Variants in ZNG1B observed in about 807,000 individuals in gnomAD.
ZNG1B encodes the protein Zn regulated GTPase metalloprotein activator 1B, also known as zinc-regulated GTPase metalloprotein activator 1B.
the ZNG1B span, chr2:113,495,294 T>C: frequency 6.6e-7 from 1 of 1,512,240 alleles, no homozygotes; most frequent in South Asian, 1.2e-5. Context: ...GTGAAAAATA[T>C]ATTTGAAAGG....
the ZNG1B span, among the ~76,000 whole-genome samples, chr2:113,450,488 G>A: frequency 2.0e-5 from 3 of 149,526 alleles, no homozygotes; most frequent in Admixed American, 2.0e-4. Context: ...CACTACAAAC[G>A]CATTTTCATC....
chr2:113,472,322 G>A, the ZNG1B span, among the ~76,000 whole-genome samples: 17 of 152,072 alleles, frequency 1.1e-4, no homozygotes, highest in Non-Finnish European at 1.9e-4. Context: ...CCCACTTTTT[G>A]ATGGGGTTGT....
At chr2:113,440,433 A>T in the ZNG1B span, among the ~76,000 whole-genome samples, 3 of 151,916 alleles carry the variant, frequency 2.0e-5, no homozygotes, top group Non-Finnish European at 4.4e-5. Context: ...CCTCTGTCTC[A>T]GGCTTGGACT....
chr2:113,476,463 A>G, the ZNG1B span, among the ~76,000 whole-genome samples: 1 of 149,754 alleles, frequency 6.7e-6, no homozygotes, highest in Non-Finnish European at 1.5e-5. Flanking sequence ...GAGTAGTTTG[A>G]TCGTCTGAAG....
chr2:113,488,345 T>C, the ZNG1B span, among the ~76,000 whole-genome samples: 15 of 152,270 alleles, frequency 9.9e-5, no homozygotes, highest in African/African-American at 3.4e-4. Context: ...GAACACCCCG[T>C]AGGACGAAAG....
chr2:113,438,831 T>C, the ZNG1B span, among the ~76,000 whole-genome samples: 3 of 152,260 alleles, frequency 2.0e-5, no homozygotes, highest in South Asian at 6.2e-4. Context: ...ATGATACTGT[T>C]TCCGGGAAAT....
chr2:113,466,876 A>G, the ZNG1B span: 14 of 923,448 alleles, frequency 1.5e-5, no homozygotes, highest in African/African-American at 2.5e-4. Flanking sequence ...CATCCTGGCT[A>G]ACACTGTGAA....
the ZNG1B span, among the ~76,000 whole-genome samples, chr2:113,446,759 C>T: frequency 7.4e-5 from 10 of 135,136 alleles, no homozygotes; most frequent in Middle Eastern, 3.4e-3. Flanking sequence ...CACACACACA[C>T]GCACATGCAC....
chr2:113,453,860 C>A, the ZNG1B span, among the ~76,000 whole-genome samples: 1 of 151,108 alleles, frequency 6.6e-6, no homozygotes, highest in African/African-American at 2.4e-5. Flanking sequence ...ATATGAGGAT[C>A]ATATTTTTGC....
At chr2:113,488,801 G>A in the ZNG1B span, among the ~76,000 whole-genome samples, 4 of 152,174 alleles carry the variant, frequency 2.6e-5, no homozygotes, top group Non-Finnish European at 5.9e-5. Flanking sequence ...CTAATTAACC[G>A]AATCCAATAA....
At chr2:113,477,436 T>C in the ZNG1B span, among the ~76,000 whole-genome samples, 3 of 152,122 alleles carry the variant, frequency 2.0e-5, no homozygotes, top group Non-Finnish European at 4.4e-5. Flanking sequence ...CCTAGTGAGA[T>C]GAACCCGGTA....
the ZNG1B span, among the ~76,000 whole-genome samples, chr2:113,476,490 C>T: frequency 2.7e-5 from 4 of 149,672 alleles, no homozygotes; most frequent in African/African-American, 7.5e-5. Flanking sequence ...TCTCTCAGCT[C>T]GTCAAAGTCA....
chr2:113,488,466 A>AC, the ZNG1B span, among the ~76,000 whole-genome samples: 1 of 152,028 alleles, frequency 6.6e-6, no homozygotes, highest in African/African-American at 2.4e-5. Flanking sequence ...GTTCTTTAAC[A>AC]CCCCCCAAAA....
chr2:113,475,360 C>T, the ZNG1B span, among the ~76,000 whole-genome samples: 7 of 152,068 alleles, frequency 4.6e-5, no homozygotes, highest in Admixed American at 1.3e-4. Context: ...TCCTCCATCC[C>T]TTTATTTTGA....
the ZNG1B span, among the ~76,000 whole-genome samples, chr2:113,459,903 G>A: frequency 7.3e-6 from 1 of 137,728 alleles, no homozygotes; most frequent in Non-Finnish European, 1.6e-5. Context: ...TTATGAGGGG[G>A]AAAAAAAAAA....
the ZNG1B span, among the ~76,000 whole-genome samples, chr2:113,475,255 G>C: frequency 1.8e-4 from 27 of 150,532 alleles, no homozygotes; most frequent in African/African-American, 6.4e-4. Context: ...GGCCTTCTTT[G>C]TCTCTTTTGA....
At chr2:113,448,953 A>G in the ZNG1B span, among the ~76,000 whole-genome samples, 3 of 152,012 alleles carry the variant, frequency 2.0e-5, no homozygotes, top group Admixed American at 6.6e-5. Flanking sequence ...TAGTGTAGCT[A>G]CTTTCATGAA....
At chr2:113,439,874 ATTTTTT>A in the ZNG1B span, among the ~76,000 whole-genome samples, 2 of 68,880 alleles carry the variant, frequency 2.9e-5, no homozygotes, top group African/African-American at 1.2e-4. Flanking sequence ...CCTTCCCTTA[ATTTTTT>A]TTTTTTTTTT....
the ZNG1B span, among the ~76,000 whole-genome samples, chr2:113,440,348 C>G: frequency 0.026 from 3,989 of 151,446 alleles, 174 homozygotes; most frequent in African/African-American, 0.089. Flanking sequence ...TAAATCTTCT[C>G]TTAGAAGATT....
Sources: allele counts gnomAD v4.1 joint callset (sites outside exome capture counted in the v4.1 genomes callset), GRCh38; gene constraint gnomAD v4.1.1; transcripts MANE v1.5; gene names NCBI Gene and HGNC (gene_info 2026-07-23, HGNC 2026-07-21).